FAM83B: variants seen among roughly 807,000 people sequenced by gnomAD.
The protein encoded by FAM83B is protein FAM83B.
A neutral mutation model predicts 38.8 loss-of-function variants in FAM83B; 26 were observed. The ratio of observed to expected loss-of-function variants is 0.67; its 90% confidence interval spans 0.49 to 0.93. FAM83B has a LOEUF of 0.93. FAM83B is among the 40% of genes least tolerant of loss of function. The pLI is 0.00. For synonymous variants in FAM83B, 419 were observed against 423.1 expected (o/e 0.99, Z 0.12); for missense variants, 1,237 against 1,197.3 (o/e 1.03, Z -0.49).
intron 1 of FAM83B, among the ~76,000 whole-genome samples, chr6:54,854,634 C>T (rs1355640971): frequency 2.6e-5 from 4 of 152,174 alleles, no homozygotes; most frequent in Non-Finnish European, 1.5e-5. Flanking sequence ...TAATAAGCCA[C>T]AGTATAATGT....
At chr6:54,904,067 T>G (rs764241694) in intron 2 of FAM83B, among the ~76,000 whole-genome samples, 1 of 151,996 alleles carries the variant, frequency 6.6e-6, no homozygotes, top group South Asian at 2.1e-4. Flanking sequence ...AATTTACTGC[T>G]TATTTTAAGG....
chr6:54,868,775 A>G (rs759179747), intron 1 of FAM83B, among the ~76,000 whole-genome samples: 3 of 152,152 alleles, frequency 2.0e-5, no homozygotes, highest in Admixed American at 6.6e-5. Flanking sequence ...GGGCTTTCCA[A>G]AAGACAGAAA....
chr6:54,915,111 T>C (rs1773004351), intron 2 of FAM83B, among the ~76,000 whole-genome samples: 1 of 151,838 alleles, frequency 6.6e-6, no homozygotes, highest in Admixed American at 6.6e-5. Context: ...TTCCCGAGTT[T>C]CTATAGTTAA....
intron 2 of FAM83B, among the ~76,000 whole-genome samples, chr6:54,891,699 G>A (rs1772406686): frequency 6.6e-6 from 1 of 152,110 alleles, no homozygotes; most frequent in Non-Finnish European, 1.5e-5. Flanking sequence ...CTCTCTCTCT[G>A]TTAAAGGCAT....
At chr6:54,896,383 C>G (rs1772534965) in intron 2 of FAM83B, among the ~76,000 whole-genome samples, 1 of 152,112 alleles carries the variant, frequency 6.6e-6, no homozygotes, top group South Asian at 2.1e-4. Context: ...AACAGACATG[C>G]AAAGCTTGTT....
chr6:54,866,698 T>G (rs1179000783), intron 1 of FAM83B, among the ~76,000 whole-genome samples: 1 of 152,122 alleles, frequency 6.6e-6, no homozygotes, highest in Non-Finnish European at 1.5e-5. Flanking sequence ...TTTGGGTTGT[T>G]TCCATTGTCA....
chr6:54,937,104 A>G (rs1773537576), intron 4 of FAM83B, among the ~76,000 whole-genome samples: 1 of 151,374 alleles, frequency 6.6e-6, no homozygotes, highest in Non-Finnish European at 1.5e-5. Flanking sequence ...TGTCTCCTTT[A>G]TAGAAATAAT....
At chr6:54,851,896 C>T (rs2127571173) in intron 1 of FAM83B, among the ~76,000 whole-genome samples, 1 of 152,188 alleles carries the variant, frequency 6.6e-6, no homozygotes, top group South Asian at 2.1e-4. Flanking sequence ...ATCCTCCCGC[C>T]TCGGCCTCCC....
At chr6:54,919,072 A>G (rs1326268385) in intron 2 of FAM83B, among the ~76,000 whole-genome samples, 1 of 152,130 alleles carries the variant, frequency 6.6e-6, no homozygotes, top group Non-Finnish European at 1.5e-5. Flanking sequence ...CAAAAAAAGT[A>G]ACTTTTCAGG....
chr6:54,854,789 T>C (rs1771403727), intron 1 of FAM83B, among the ~76,000 whole-genome samples: 1 of 152,214 alleles, frequency 6.6e-6, no homozygotes, highest in African/African-American at 2.4e-5. Context: ...TTTTATATTC[T>C]AATACAAGTC....
chr6:54,901,647 A>G (rs1281848227), intron 2 of FAM83B, among the ~76,000 whole-genome samples: 1 of 152,212 alleles, frequency 6.6e-6, no homozygotes, highest in Non-Finnish European at 1.5e-5. Flanking sequence ...ACATAAAGAA[A>G]ATAAACAATA....
At chr6:54,875,229 TC>T (rs1438327365) in intron 2 of FAM83B, among the ~76,000 whole-genome samples, 1 of 152,220 alleles carries the variant, frequency 6.6e-6, no homozygotes, top group African/African-American at 2.4e-5. Flanking sequence ...TATGTTATAT[TC>T]CTTGTTGAAT....
At chr6:54,914,974 G>A (rs370745179) in intron 2 of FAM83B, among the ~76,000 whole-genome samples, 3 of 152,066 alleles carry the variant, frequency 2.0e-5, no homozygotes, top group African/African-American at 7.2e-5. Flanking sequence ...TAATTCTAAG[G>A]CAGACTTTTT....
intron 2 of FAM83B, among the ~76,000 whole-genome samples, chr6:54,875,912 C>T (rs1311694534): frequency 6.6e-6 from 1 of 152,060 alleles, no homozygotes; most frequent in African/African-American, 2.4e-5. Context: ...AGAGACAACA[C>T]ATTCTATATC....
intron 2 of FAM83B, among the ~76,000 whole-genome samples, chr6:54,900,780 C>T (rs1772644882): frequency 6.6e-6 from 1 of 152,238 alleles, no homozygotes; most frequent in Middle Eastern, 3.4e-3. Flanking sequence ...GTTCCTTTAA[C>T]AAGAAAGTGA....
intron 3 of FAM83B, 80 bp from the exon 4 acceptor site, chr6:54,927,428 C>A: frequency 8.7e-7 from 1 of 1,155,378 alleles, no homozygotes. Flanking sequence ...TATTAAGATT[C>A]TATCATGATA....
chr6:54,871,699 C>T (rs1387006636), intron 2 of FAM83B, among the ~76,000 whole-genome samples: 4 of 137,414 alleles, frequency 2.9e-5, no homozygotes, highest in South Asian at 2.4e-4. Context: ...ACTGAGATTG[C>T]GCCACTGCCC....
At chr6:54,932,633 C>T (rs946453194) in intron 4 of FAM83B, among the ~76,000 whole-genome samples, 1 of 151,414 alleles carries the variant, frequency 6.6e-6, no homozygotes, top group Non-Finnish European at 1.5e-5. Context: ...AAAAGATTCA[C>T]TTTAGCATTT....
intron 2 of FAM83B, among the ~76,000 whole-genome samples, chr6:54,874,409 A>C (rs1316633606): frequency 6.6e-6 from 1 of 151,968 alleles, no homozygotes; most frequent in Non-Finnish European, 1.5e-5. Flanking sequence ...AACCCTTTCT[A>C]TTTTTCACTT....
Sources: allele counts gnomAD v4.1 joint callset (sites outside exome capture counted in the v4.1 genomes callset), GRCh38; gene constraint gnomAD v4.1.1; transcripts MANE v1.5; gene names NCBI Gene and HGNC (gene_info 2026-07-23, HGNC 2026-07-21).